The following GNB4 variants were observed in gnomAD, a reference collection of about 807,000 sequenced individuals.
GNB4 encodes the protein G protein subunit beta 4.
A neutral mutation model predicts 45.2 loss-of-function variants in GNB4; 28 were observed. The observed-to-expected ratio is 0.62, with a 90% confidence interval of 0.46 to 0.85. The LOEUF (loss-of-function observed/expected upper bound fraction) is 0.85, where lower values mean the gene tolerates loss of function less well. Among genes scored for constraint, GNB4 ranks in the 40% least tolerant of loss-of-function variants. GNB4 has a pLI of 0.00. For synonymous variants in GNB4, 132 were observed against 143.7 expected (o/e 0.92, Z 0.58); for missense variants, 321 against 425.4 (o/e 0.75, Z 2.16).
intron 1 of GNB4, among the ~76,000 whole-genome samples, chr3:179,443,104 A>G (rs984744443): frequency 6.6e-6 from 1 of 152,202 alleles, no homozygotes; most frequent in African/African-American, 2.4e-5. Flanking sequence ...TCATCCAACA[A>G]ATGTTTATGA....
At chr3:179,410,834 G>A (rs1490272792) in intron 8 of GNB4, among the ~76,000 whole-genome samples, 1 of 152,056 alleles carries the variant, frequency 6.6e-6, no homozygotes, top group Non-Finnish European at 1.5e-5. Context: ...AGGATATCCT[G>A]TAAACTCTAT....
the GNB4 span, among the ~76,000 whole-genome samples, chr3:179,521,497 C>A: frequency 3.3e-5 from 5 of 152,124 alleles, no homozygotes; most frequent in Non-Finnish European, 5.9e-5. Flanking sequence ...TTGGACTGCA[C>A]CCCAAAAAAA....
the GNB4 span, among the ~76,000 whole-genome samples, chr3:179,493,853 T>G: frequency 1.3e-5 from 2 of 152,198 alleles, no homozygotes; most frequent in Admixed American, 1.3e-4. Flanking sequence ...AGTAACAGTC[T>G]GATCTATGTA....
chr3:179,413,898 A>G, intron 6 of GNB4, 117 bp from the exon 7 acceptor site: 1 of 746,600 alleles, frequency 1.3e-6, no homozygotes, highest in East Asian at 2.7e-5. Context: ...GTGTTTGTCA[A>G]TATAGTCTAT....
At chr3:179,521,655 G>A in the GNB4 span, among the ~76,000 whole-genome samples, 14 of 152,134 alleles carry the variant, frequency 9.2e-5, no homozygotes, top group Admixed American at 4.6e-4. Flanking sequence ...TCCCCAAACC[G>A]TCACTCCTAA....
chr3:179,489,025 T>A, the GNB4 span, among the ~76,000 whole-genome samples: 14 of 56,224 alleles, frequency 2.5e-4, no homozygotes, highest in Non-Finnish European at 3.9e-4. Context: ...AAAAAATATA[T>A]ATATATATAT....
intron 4 of GNB4, among the ~76,000 whole-genome samples, chr3:179,418,640 AT>A (rs1714883509): frequency 1.3e-5 from 2 of 152,176 alleles, no homozygotes; most frequent in Non-Finnish European, 2.9e-5. Context: ...CTACTTTATA[AT>A]TTTAGTGTCT....
At chr3:179,480,144 C>T in the GNB4 span, among the ~76,000 whole-genome samples, 5 of 152,214 alleles carry the variant, frequency 3.3e-5, no homozygotes, top group Admixed American at 1.3e-4. Flanking sequence ...GCAGTTACAA[C>T]ACAGCAAGAA....
chr3:179,426,451 G>A (rs542607542), intron 1 of GNB4, among the ~76,000 whole-genome samples: 12 of 152,314 alleles, frequency 7.9e-5, no homozygotes, highest in Middle Eastern at 3.4e-3. Context: ...GAGGATGGAG[G>A]AGAAATTCCA....
At chr3:179,463,697 C>G in the GNB4 span, among the ~76,000 whole-genome samples, 1 of 152,190 alleles carries the variant, frequency 6.6e-6, no homozygotes, top group African/African-American at 2.4e-5. Context: ...TAGTGAGGAG[C>G]TGCAGCTGAC....
At chr3:179,475,130 T>C in the GNB4 span, among the ~76,000 whole-genome samples, 8 of 146,904 alleles carry the variant, frequency 5.4e-5, no homozygotes, top group African/African-American at 1.9e-4. Flanking sequence ...TATTTATTTA[T>C]TTTTTTGGAG....
Position 179,396,355 on chromosome 3 carries a change from G to A in GNB4, c.*4858C>T, listed in dbSNP as rs1173495581. ...AGGTAAAGACAAACACTTTCAGAAT[G>A]CTTTAACAGAAAAATAATTTTAATC... is the stretch of plus-strand genomic sequence containing the variant. On this transcript the variant is annotated 3_prime_UTR_variant, in exon 10 of 10. Transcript: ENST00000232564. 2.0e-5 allele frequency: 3 copies of A among 152,160 alleles called. No individual in the cohort carries two copies. Among genetic ancestry groups the A allele is most frequent in the Non-Finnish European group, 4.4e-5 (3 of 68,012 alleles). The allele number at this position is 152,160 out of a possible 1,614,324, so 9.4% of individuals were successfully genotyped here.
intron 8 of GNB4, among the ~76,000 whole-genome samples, chr3:179,411,531 C>A (rs1039496720): frequency 1.5e-4 from 22 of 147,128 alleles, no homozygotes; most frequent in African/African-American, 5.5e-4. Flanking sequence ...AAAAAAACCA[C>A]ACGAACATCT....
At chr3:179,447,474 A>G (rs1715764273) in intron 1 of GNB4, among the ~76,000 whole-genome samples, 1 of 151,912 alleles carries the variant, frequency 6.6e-6, no homozygotes, top group Admixed American at 6.6e-5. Flanking sequence ...TCAGACTCCC[A>G]TGTAGCTGAG....
chr3:179,513,414 G>A, the GNB4 span, among the ~76,000 whole-genome samples: 1 of 151,936 alleles, frequency 6.6e-6, no homozygotes, highest in Non-Finnish European at 1.5e-5. Context: ...AACCTCCTGG[G>A]CTCAAGTGAT....
the GNB4 span, among the ~76,000 whole-genome samples, chr3:179,491,277 G>T: frequency 6.6e-6 from 1 of 152,060 alleles, no homozygotes; most frequent in Non-Finnish European, 1.5e-5. Flanking sequence ...AGAGAATAGA[G>T]GTTCAAATTA....
the GNB4 span, among the ~76,000 whole-genome samples, chr3:179,526,349 G>A: frequency 6.6e-6 from 1 of 152,196 alleles, no homozygotes; most frequent in Non-Finnish European, 1.5e-5. Flanking sequence ...AGGCCTGACA[G>A]ACACCAGGCA....
At chr3:179,463,780 T>C in the GNB4 span, among the ~76,000 whole-genome samples, 1 of 152,204 alleles carries the variant, frequency 6.6e-6, no homozygotes, top group Non-Finnish European at 1.5e-5. Flanking sequence ...CCTGGGCAAA[T>C]GCTAGTTACC....
rs1714246326 is a variant in GNB4 at position 179,400,235 on chromosome 3, G to A, written c.*978C>T. ...AACCACCGTATTACAACAAATATGT[G>A]CTAGCGATTGGTTAGATTTCACACT... is the stretch of plus-strand genomic sequence containing the variant. On this transcript the variant is annotated 3_prime_UTR_variant, in exon 10 of 10. Transcript: ENST00000232564. 6.6e-6 allele frequency: 1 copy of A among 152,150 alleles called. No homozygotes were observed. The highest frequency in any genetic ancestry group is 1.5e-5 in the Non-Finnish European group (1 of 68,032). 9.4% of individuals were successfully genotyped at this position (152,150 alleles called of 1,614,324 possible).
Sources: gnomAD v4.1 joint callset for allele counts (sites outside exome capture counted in the v4.1 genomes callset) on GRCh38, gnomAD v4.1.1 for gene constraint, MANE v1.5 for transcripts, NCBI Gene and HGNC (gene_info 2026-07-23, HGNC 2026-07-21) for gene names.